SORCS2: variants seen among roughly 807,000 people sequenced by gnomAD.
SORCS2 encodes the protein sortilin related VPS10 domain containing receptor 2.
A neutral mutation model predicts 141.6 loss-of-function variants in SORCS2; 100 were observed. The ratio of observed to expected loss-of-function variants is 0.71; its 90% CI spans 0.60 to 0.83. The LOEUF is 0.83. Among genes scored for constraint, SORCS2 ranks in the 40% least tolerant of loss-of-function variants. The probability of loss-of-function intolerance (pLI) is 0.00; values close to 1 mark genes in which losing one functional copy is unlikely to be tolerated. For synonymous variants in SORCS2, 789 were observed against 676.9 expected (o/e 1.17, Z -2.57); for missense variants, 1,646 against 1,560.2 (o/e 1.05, Z -0.93).
Position 7,233,487 on chromosome 4 carries a change from C to T in SORCS2, c.480+40361C>T, listed in dbSNP as rs1362225368. ...TGGGCCACAGTGCAGTACAGACCCT[C>T]GCTGGGCTCAGGGTGAGCAGACACT... On this transcript the variant is annotated intron_variant, in intron 1 of 26. Coordinates refer to ENST00000507866, the MANE Select transcript of SORCS2 (RefSeq NM_020777.3). This position sits in a 1 kb window ranked among gnomAD's most constrained non-coding sequence, Gnocchi z 4.5. Among the ~76,000 whole-genome samples, 3 of 152,188 alleles carry T rather than the reference C, an allele frequency of 2.0e-5. No individual in the cohort carries two copies. Among genetic ancestry groups the T allele is most frequent in the Non-Finnish European group, 2.9e-5 (2 of 68,032 alleles).
intron 4 of SORCS2, among the ~76,000 whole-genome samples, chr4:7,643,458 ACTT>A (rs1720866570): frequency 1.3e-5 from 2 of 152,122 alleles, no homozygotes; most frequent in African/African-American, 2.4e-5. Context: ...CCCATCAAGC[ACTT>A]CTTCTGCTTC....
At chr4:7,247,568 C>T (rs182601136) in intron 1 of SORCS2, among the ~76,000 whole-genome samples, 2 of 152,270 alleles carry the variant, frequency 1.3e-5, no homozygotes, top group Non-Finnish European at 2.9e-5. Context: ...TATTCCTGTG[C>T]GTTTTCTGTG....
intron 1 of SORCS2, among the ~76,000 whole-genome samples, chr4:7,348,439 C>T (rs1320626187): frequency 2.0e-5 from 3 of 152,178 alleles, no homozygotes; most frequent in African/African-American, 7.2e-5. Context: ...CCACAATGGC[C>T]CCACTACTGT....
chr4:7,392,910 G>A (rs895238717), intron 1 of SORCS2, among the ~76,000 whole-genome samples: 1 of 140,772 alleles, frequency 7.1e-6, no homozygotes, highest in Non-Finnish European at 1.6e-5. Context: ...GGGGGGGGGG[G>A]GTGCTGCGAG....
intron 2 of SORCS2, among the ~76,000 whole-genome samples, chr4:7,424,844 G>A (rs555984877): frequency 6.6e-6 from 1 of 152,192 alleles, no homozygotes. Flanking sequence ...GCGTGTTGGG[G>A]CCTGCCCTAA....
chr4:7,689,405 G>A (rs922707545), intron 10 of SORCS2, 81 bp from the exon 11 acceptor site: 31 of 1,356,268 alleles, frequency 2.3e-5, no homozygotes, highest in Non-Finnish European at 2.8e-5. Context: ...AGCCACAGGG[G>A]CAGATTTGTC....
intron 3 of SORCS2, among the ~76,000 whole-genome samples, chr4:7,557,836 C>T (rs10014162): frequency 0.38 from 57,827 of 152,108 alleles, 12,172 homozygotes; most frequent in African/African-American, 0.56. Flanking sequence ...TGCCCCATGC[C>T]GACGTGAAGA....
At chr4:7,434,698 G>A in intron 2 of SORCS2, 1 of 1,612,988 alleles carries the variant, frequency 6.2e-7, no homozygotes, top group East Asian at 2.2e-5. Context: ...GCAGGGCAGA[G>A]ACTTCGCGGT....
At chr4:7,415,519 C>A (rs28411133) in intron 2 of SORCS2, among the ~76,000 whole-genome samples, 1 of 152,198 alleles carries the variant, frequency 6.6e-6, no homozygotes, top group African/African-American at 2.4e-5. Flanking sequence ...TGACACTGGG[C>A]CCACCTGGAT....
chr4:7,510,651 C>A (rs1303334313), intron 2 of SORCS2, among the ~76,000 whole-genome samples: 2 of 150,586 alleles, frequency 1.3e-5, no homozygotes, highest in South Asian at 4.2e-4. Context: ...GTTCTGGGTG[C>A]GGCATGTCCT....
At chr4:7,385,699 A>T (rs1249929010) in intron 1 of SORCS2, among the ~76,000 whole-genome samples, 1 of 152,176 alleles carries the variant, frequency 6.6e-6, no homozygotes, top group Non-Finnish European at 1.5e-5. Context: ...CACCGTTCCC[A>T]TGTGGTGAGG....
At chr4:7,284,560 C>T (rs1169418234) in intron 1 of SORCS2, among the ~76,000 whole-genome samples, 2 of 152,198 alleles carry the variant, frequency 1.3e-5, no homozygotes, top group Non-Finnish European at 2.9e-5. Context: ...GTCCATCCCT[C>T]AGCAGGTGCT....
At chr4:7,361,333 C>T (rs1052529481) in intron 1 of SORCS2, among the ~76,000 whole-genome samples, 8 of 152,204 alleles carry the variant, frequency 5.3e-5, no homozygotes, top group African/African-American at 1.9e-4. Flanking sequence ...AATGTCACCC[C>T]TTGACAAGAA....
rs73216626 is a variant in SORCS2, at chr4:7,604,897, C to T, written c.649-33431C>T. 9.2e-3 allele frequency among the ~76,000 whole-genome samples: 1,398 copies of T among 152,308 alleles called. 10 individuals are homozygous for T. The highest frequency in any genetic ancestry group is 0.024 in the Middle Eastern group (7 of 294). On this transcript the variant is annotated intron_variant, in intron 3 of 26. Coordinates refer to ENST00000507866, the MANE Select transcript of SORCS2 (RefSeq NM_020777.3). ...GCAGAGGGATTCTTCTAAGCTGGCT[C>T]CTCTCCTTGGATTTGTCTCCTGACC...
chr4:7,570,579 C>T (rs1007832945), intron 3 of SORCS2, among the ~76,000 whole-genome samples: 11 of 152,238 alleles, frequency 7.2e-5, no homozygotes, highest in African/African-American at 2.4e-5. Flanking sequence ...ATCCGCCACC[C>T]TGCATAGAGG....
At chr4:7,300,912 G>A (rs1028918526) in intron 1 of SORCS2, among the ~76,000 whole-genome samples, 2 of 152,126 alleles carry the variant, frequency 1.3e-5, no homozygotes, top group African/African-American at 4.8e-5. Context: ...TGCATGTCCC[G>A]GCTGTCTCCT....
Position 7,730,953 on chromosome 4 carries a change from G to T in SORCS2, c.3108+1241G>T, listed in dbSNP as rs191022333. ...CAGGGAGACTGATGCTCACTCAGGT[G>T]ATCTGGAAGGCGTGGCCCGTGCAGG... is the stretch of plus-strand genomic sequence containing the variant. On this transcript the variant is annotated intron_variant, in intron 23 of 26. Coordinates refer to ENST00000507866, the MANE Select transcript of SORCS2 (RefSeq NM_020777.3). Among the ~76,000 whole-genome samples the T allele has an allele frequency of 2.6e-5, 4 of 152,356 alleles. No homozygotes were observed. In the East Asian group the frequency reaches 7.7e-4, roughly 29 times the overall value.
chr4:7,708,614 C>T (rs552407696), intron 14 of SORCS2, among the ~76,000 whole-genome samples: 1 of 152,344 alleles, frequency 6.6e-6, no homozygotes, highest in Non-Finnish European at 1.5e-5. Context: ...CTTCCTGGAC[C>T]CTCTGCCCCA....
chr4:7,691,102 C>A (rs1724216246), intron 11 of SORCS2, among the ~76,000 whole-genome samples: 1 of 152,228 alleles, frequency 6.6e-6, no homozygotes, highest in African/African-American at 2.4e-5. Flanking sequence ...AGAGTTCACA[C>A]TTCCTGAACC....
Sources: gnomAD v4.1 joint callset for allele counts (sites outside exome capture counted in the v4.1 genomes callset) on GRCh38, gnomAD v4.1.1 for gene constraint, Gnocchi (gnomAD v3.1) non-coding constraint, MANE v1.5 for transcripts, NCBI Gene and HGNC (gene_info 2026-07-23, HGNC 2026-07-21) for gene names.